The following KALRN variants were observed in gnomAD, a reference collection of about 807,000 sequenced individuals.
KALRN encodes kalirin RhoGEF kinase, also known as kalirin.
A neutral mutation model predicts 353.7 loss-of-function variants in KALRN; 70 were observed. The ratio of observed to expected loss-of-function variants is 0.20; its 90% CI spans 0.16 to 0.24. The LOEUF (loss-of-function observed/expected upper bound fraction) is 0.24, where lower values mean the gene tolerates loss of function less well. KALRN is among the 10% of genes least tolerant of loss of function. The pLI, the probability that KALRN is intolerant of heterozygous loss-of-function variation, is 1.00. For missense variants in KALRN, 2,791 were observed against 3,756.7 expected, an observed-to-expected ratio of 0.74 and a Z score of 6.72; for synonymous variants, 1,391 against 1,434.8, an observed-to-expected ratio of 0.97 and a Z score of 0.69.
intron 6 of KALRN, among the ~76,000 whole-genome samples, chr3:124,303,027 C>T (rs539552051): frequency 5.9e-5 from 9 of 152,224 alleles, no homozygotes; most frequent in Admixed American, 3.3e-4. Context: ...TTTTGGGGCT[C>T]TGCTATTCAG....
intron 1 of KALRN, among the ~76,000 whole-genome samples, chr3:124,124,299 C>T (rs1416893549): frequency 6.6e-6 from 1 of 152,144 alleles, no homozygotes; most frequent in Non-Finnish European, 1.5e-5. Context: ...ATGTGGAAGA[C>T]ATAGCAAGAA....
At chr3:124,639,698 A>G (rs2081806268) in intron 37 of KALRN, among the ~76,000 whole-genome samples, 1 of 152,210 alleles carries the variant, frequency 6.6e-6, no homozygotes, top group Non-Finnish European at 1.5e-5. Context: ...TGGCTTTATT[A>G]TAGGCTCTCA....
intron 21 of KALRN, among the ~76,000 whole-genome samples, chr3:124,452,331 A>G (rs540728240): frequency 6.6e-6 from 1 of 152,366 alleles, no homozygotes; most frequent in South Asian, 2.1e-4. Flanking sequence ...TCATTCATTC[A>G]GTCAACATTG....
chr3:124,211,140 T>C lies in KALRN; in HGVS notation c.74-16850T>C, dbSNP rs62262784. ...CAAATCAATCACACAGTTCAGACAC[T>C]TCATTGATTCATTCACTCCATCACC... On this transcript the variant is annotated intron_variant, in intron 1 of 59. Transcript: ENST00000682506. 3.9e-3 allele frequency among the ~76,000 whole-genome samples: 588 copies of C among 152,328 alleles called. 1 individual carries two copies. The highest frequency in any genetic ancestry group is 6.8e-3 in the Non-Finnish European group (466 of 68,032).
intron 34 of KALRN, among the ~76,000 whole-genome samples, chr3:124,584,469 C>G (rs1226842097): frequency 6.6e-6 from 1 of 152,200 alleles, no homozygotes; most frequent in Non-Finnish European, 1.5e-5. Context: ...ATAAGGAGTA[C>G]CTACCTGTTT....
chr3:124,136,586 C>T (rs1033283361), intron 1 of KALRN, among the ~76,000 whole-genome samples: 30 of 152,098 alleles, frequency 2.0e-4, no homozygotes, highest in African/African-American at 6.5e-4. Context: ...GTGAGGTGGG[C>T]CTGCCTGTCT....
chr3:124,339,616 C>A (rs2081480797), intron 9 of KALRN, among the ~76,000 whole-genome samples: 2 of 152,114 alleles, frequency 1.3e-5, no homozygotes, highest in Admixed American at 1.3e-4. Context: ...TGTGAGGAGA[C>A]AGAAATAATG....
chr3:124,388,159 G>T (rs2088708853), intron 11 of KALRN, among the ~76,000 whole-genome samples: 1 of 152,056 alleles, frequency 6.6e-6, no homozygotes, highest in Non-Finnish European at 1.5e-5. Context: ...GCCTTTGGGA[G>T]AATTACTCTT....
intron 45 of KALRN, among the ~76,000 whole-genome samples, chr3:124,663,171 TC>T (rs1025502050): frequency 6.6e-6 from 1 of 152,192 alleles, no homozygotes; most frequent in African/African-American, 2.4e-5. Context: ...AGTCTCGAAC[TC>T]CCGACCTCAG....
chr3:124,082,535 G>A (rs919261413), intron 1 of KALRN, among the ~76,000 whole-genome samples: 3 of 152,164 alleles, frequency 2.0e-5, no homozygotes, highest in African/African-American at 7.2e-5. Context: ...AAAACATAGT[G>A]AGGAATGCAG....
At chr3:124,226,816 A>T (rs1183920084) in intron 1 of KALRN, among the ~76,000 whole-genome samples, 1 of 152,134 alleles carries the variant, frequency 6.6e-6, no homozygotes, top group Non-Finnish European at 1.5e-5. Flanking sequence ...CAATTGTCAA[A>T]TTTGGACCCT....
chr3:124,163,676 A>G (rs2070370417), intron 1 of KALRN: 3 of 984,894 alleles, frequency 3.0e-6, no homozygotes, highest in East Asian at 2.3e-4. Flanking sequence ...AAATGTATAA[A>G]TATTACAACA....
chr3:124,307,683 C>T (rs561810064), intron 6 of KALRN, among the ~76,000 whole-genome samples: 7 of 151,764 alleles, frequency 4.6e-5, no homozygotes, highest in Non-Finnish European at 1.0e-4. Context: ...ACAAAATACT[C>T]ACTTATGCAA....
intron 1 of KALRN, among the ~76,000 whole-genome samples, chr3:124,108,868 C>T (rs1004378787): frequency 1.3e-5 from 2 of 152,160 alleles, no homozygotes; most frequent in Non-Finnish European, 2.9e-5. Flanking sequence ...ACACAAAATG[C>T]GTATGTACAC....
rs532650259 is a variant in KALRN at position 124,503,028 on chromosome 3, G to A, written c.4935+6615G>A. On this transcript the variant is annotated intron_variant, in intron 33 of 59. Transcript: ENST00000682506. ...ACACTGGAGATCCAGCCCATTAAGT[G>A]TGCTATCTTAAAGGCAGGAAAAATG... 7.2e-5 allele frequency among the ~76,000 whole-genome samples: 11 copies of A among 152,222 alleles called. No homozygotes were observed. In the South Asian group the frequency reaches 1.9e-3, roughly 26 times the overall value.
chr3:124,254,126 G>A (rs1295850486), intron 3 of KALRN, among the ~76,000 whole-genome samples: 1 of 152,140 alleles, frequency 6.6e-6, no homozygotes, highest in Non-Finnish European at 1.5e-5. Flanking sequence ...AGGGGTTTTA[G>A]TACTCACACA....
At chr3:124,218,691 G>T (rs894798179) in intron 1 of KALRN, among the ~76,000 whole-genome samples, 15 of 152,208 alleles carry the variant, frequency 9.9e-5, no homozygotes, top group African/African-American at 3.4e-4. Context: ...CTATACTCAA[G>T]ATGTCAACTT....
At chr3:124,318,656 T>C (rs1445250199) in intron 6 of KALRN, among the ~76,000 whole-genome samples, 2 of 152,232 alleles carry the variant, frequency 1.3e-5, no homozygotes, top group Non-Finnish European at 1.5e-5. Flanking sequence ...TTACTGATAC[T>C]GAATGTTACT....
At chr3:124,644,940 C>T (rs927517948) in intron 37 of KALRN, among the ~76,000 whole-genome samples, 1 of 152,210 alleles carries the variant, frequency 6.6e-6, no homozygotes, top group Non-Finnish European at 1.5e-5. Flanking sequence ...TGCACTCCCA[C>T]CAACAGTGTA....
Sources: allele counts gnomAD v4.1 joint callset (sites outside exome capture counted in the v4.1 genomes callset), GRCh38; gene constraint gnomAD v4.1.1; transcripts MANE v1.5; gene names NCBI Gene and HGNC (gene_info 2026-07-23, HGNC 2026-07-21).